NR2F1: variants seen among roughly 807,000 people sequenced by gnomAD.
NR2F1 encodes COUP transcription factor 1.
In NR2F1, 1 loss-of-function variant was observed where a neutral mutation model predicts 37.7. That is an observed-to-expected ratio of 0.03 (90% CI 0.01 to 0.13). The LOEUF (loss-of-function observed/expected upper bound fraction) is 0.13, where lower values mean the gene tolerates loss of function less well. Ranked by LOEUF, NR2F1 falls within the 10% of genes least tolerant of loss-of-function variation. The probability of loss-of-function intolerance (pLI) is 1.00; values close to 1 mark genes in which losing one functional copy is unlikely to be tolerated. For missense variants in NR2F1, 268 were observed against 578.4 expected, an observed-to-expected ratio of 0.46 and a Z score of 5.50; for synonymous variants, 275 against 259.6, an observed-to-expected ratio of 1.06 and a Z score of -0.57.
chr5:93,592,706 C>T (rs1435331050), intron 2 of NR2F1, among the ~76,000 whole-genome samples: 1 of 136,024 alleles, frequency 7.4e-6, no homozygotes, highest in Non-Finnish European at 1.6e-5. Flanking sequence ...GAAGCAGCAG[C>T]AGCTGCTGCC....
Position 93,584,948 on chromosome 5 carries a change from C to A in NR2F1, c.-76C>A. The A allele has an allele frequency of 2.8e-6, 1 of 357,270 alleles. No individual in the cohort carries two copies. Among genetic ancestry groups the A allele is most frequent in the Non-Finnish European group, 3.9e-6 (1 of 258,844 alleles). The allele number at this position is 357,270 out of a possible 1,614,324, so 22.1% of individuals were successfully genotyped here. On this transcript the variant is annotated 5_prime_UTR_variant, in exon 1 of 3. Transcript: ENST00000327111. ...CTCCCCCCTTCCCCTTCCCCTTCCC[C>A]TCCCAGCGCGCCCGCGCGCCCCGCG...
rs1753369303 is a variant in NR2F1, at chr5:93,593,473, A to T, written c.992-89A>T. 1 of 1,371,984 alleles carries T rather than the reference A, an allele frequency of 7.3e-7. No individual in the cohort carries two copies. The highest frequency in any genetic ancestry group is 9.9e-7 in the Non-Finnish European group (1 of 1,006,184). 85.0% of individuals were successfully genotyped at this position (1,371,984 alleles called of 1,614,324 possible). A position where few individuals can be genotyped will look rare whatever the true frequency, so the allele number is the denominator to read the frequency against. ...TTATTTTCCATTTTCTCCTTAAAAA[A>T]AATTGATGGCTTATTTTGCCTTTGC... On this transcript the variant is annotated intron_variant, in intron 2 of 2. Coordinates refer to ENST00000327111, the MANE Select transcript of NR2F1 (RefSeq NM_005654.6). This position sits in a 1 kb window ranked among gnomAD's most constrained non-coding sequence, Gnocchi z 5.6.
chr5:93,591,906 T>G (rs984968321), intron 2 of NR2F1: 1 of 152,180 alleles, frequency 6.6e-6, no homozygotes, highest in African/African-American at 2.4e-5. Flanking sequence ...ACAGAGCTCT[T>G]GCTGCCCTGG....
intron 1 of NR2F1, 90 bp from the exon 2 acceptor site, chr5:93,587,827 T>C (rs1468068457): frequency 3.0e-6 from 4 of 1,348,834 alleles, no homozygotes; most frequent in Non-Finnish European, 4.1e-6. Context: ...CGGGAAGAGC[T>C]TCTGCATTGT....
intron 1 of NR2F1, among the ~76,000 whole-genome samples, chr5:93,586,098 C>G (rs1372743230): frequency 6.6e-6 from 1 of 152,050 alleles, no homozygotes; most frequent in Admixed American, 6.5e-5. Context: ...GGCTTCTGGC[C>G]CGTTCACTGG....
chr5:93,591,681 G>T (rs1368730502), intron 2 of NR2F1, among the ~76,000 whole-genome samples: 1 of 151,842 alleles, frequency 6.6e-6, no homozygotes, highest in Non-Finnish European at 1.5e-5. Flanking sequence ...ATGCCAGATG[G>T]ATCTTAAAAA....
chr5:93,590,272 C>T (rs1753308679), intron 2 of NR2F1, among the ~76,000 whole-genome samples: 1 of 152,196 alleles, frequency 6.6e-6, no homozygotes, highest in Non-Finnish European at 1.5e-5. Flanking sequence ...GACGTTTTCT[C>T]AGGAAAGGTC....
chr5:93,593,985 A>G lies in NR2F1; in HGVS notation c.*143A>G. 1.5e-6 allele frequency: 1 copy of G among 672,042 alleles called. No individual in the cohort carries two copies. The highest frequency in any genetic ancestry group is 1.9e-5 in the South Asian group (1 of 53,742). 41.6% of individuals were successfully genotyped at this position (672,042 alleles called of 1,614,324 possible). On this transcript the variant is annotated 3_prime_UTR_variant, in exon 3 of 3. Transcript: ENST00000327111. The surrounding 1 kb of genome is among the most constrained non-coding windows in gnomAD (Gnocchi z 5.6). ...GAGGGAGGAGGGCCGAGACAGGAGC[A>G]GCCCACCCAGCAGAAATACAATCCG...
rs1340507881 is a variant in NR2F1 at position 93,594,446 on chromosome 5, T to C, written c.*604T>C. 2 of 152,246 alleles carry C rather than the reference T, an allele frequency of 1.3e-5. No homozygotes were observed. Among genetic ancestry groups the C allele is most frequent in the Non-Finnish European group, 1.5e-5 (1 of 68,050 alleles). 9.4% of individuals were successfully genotyped at this position (152,246 alleles called of 1,614,324 possible). On this transcript the variant is annotated 3_prime_UTR_variant, in exon 3 of 3. Transcript: ENST00000327111. ...TGTGTCTATGTATCTATATCTGTTT[T>C]GTATTTTTTTCTGGTTCCAAACCAG...
rs1317876275 is a variant in NR2F1, at chr5:93,584,881, C to G, written c.-143C>G. 1 of 165,910 alleles carries G rather than the reference C, an allele frequency of 6.0e-6. No individual in the cohort carries two copies. The highest frequency in any genetic ancestry group is 2.0e-4 in the East Asian group (1 of 5,110). 10.3% of individuals were successfully genotyped at this position (165,910 alleles called of 1,614,324 possible). ...CCGGTGTCCGGCTCGGGCTCGGCTCCTGCGACCCCGGGGCGCCCGGCGGGC... is the reference window on the plus strand; with the variant it reads ...CCGGTGTCCGGCTCGGGCTCGGCTCGTGCGACCCCGGGGCGCCCGGCGGGC... On this transcript the variant is annotated 5_prime_UTR_variant, in exon 1 of 3. Coordinates refer to ENST00000327111, the MANE Select transcript of NR2F1 (RefSeq NM_005654.6).
rs1131691363 is a variant in NR2F1 at position 93,585,234 on chromosome 5, G to A, written c.211G>A (p.Gly71Ser). The A allele has an allele frequency of 1.9e-6, 3 of 1,555,376 alleles. No homozygotes were observed. Among genetic ancestry groups the A allele is most frequent in the East Asian group, 2.4e-5 (1 of 41,108 alleles). Residue 71 changes from glycine (G) to serine (S), a missense_variant, in exon 1 of 3, where the codon GGC (glycine) becomes AGC (serine). By Grantham distance (56) the Gly-to-Ser change is moderately conservative. Coordinates refer to ENST00000327111, the MANE Select transcript of NR2F1 (RefSeq NM_005654.6). The part of the protein sequence containing the change: ...PATPGTAGDK[G>S]QGPPGSGQSQ... ...CACCCCCGGCACGGCGGGGGACAAG[G>A]GCCAGGGCCCGCCCGGTTCGGGCCA...
chr5:93,590,428 A>G (rs1275029887), intron 2 of NR2F1, among the ~76,000 whole-genome samples: 2 of 152,238 alleles, frequency 1.3e-5, no homozygotes, highest in Non-Finnish European at 1.5e-5. Context: ...TTAACTTTCC[A>G]TACTAAAACA....
At chr5:93,591,542 G>C (rs764884369) in intron 2 of NR2F1, among the ~76,000 whole-genome samples, 3 of 152,184 alleles carry the variant, frequency 2.0e-5, no homozygotes, top group Non-Finnish European at 2.9e-5. Flanking sequence ...AACCAGCACA[G>C]GACCCAGGCA....
Position 93,594,071 on chromosome 5 carries a change from G to T in NR2F1, c.*229G>T. 2.3e-6 allele frequency: 1 copy of T among 427,732 alleles called. No individual in the cohort carries two copies. The highest frequency in any genetic ancestry group is 3.6e-5 in the East Asian group (1 of 27,754). The allele number at this position is 427,732 out of a possible 1,614,324, so 26.5% of individuals were successfully genotyped here. On this transcript the variant is annotated 3_prime_UTR_variant, in exon 3 of 3. Transcript: ENST00000327111. ...ATCAGATCTGTGAGCACGTTGGCGA[G>T]GAAAAACAAAACAAACAAAAAAAAG...
intron 1 of NR2F1, chr5:93,587,680 G>T: frequency 3.8e-6 from 2 of 525,134 alleles, no homozygotes; most frequent in Non-Finnish European, 6.7e-6. Context: ...CCTAGCTCCG[G>T]CGGGGCTGAC....
At position 93,585,055 on chromosome 5, in the gene NR2F1, C is replaced by A. The variant is rs1276892077; in HGVS notation, c.32C>A (p.Pro11Gln). Reference protein sequence around the residue: MAMVVSSWRDPQDDVAGGNPG... With the variant: MAMVVSSWRDQQDDVAGGNPG... ...ATGGTAGTTAGCAGCTGGCGAGATC[C>A]GCAGGACGACGTGGCCGGGGGCAAC... Residue 11 changes from proline (P) to glutamine (Q), a missense_variant, in exon 1 of 3, where the codon CCG (proline) becomes CAG (glutamine). Around this residue, in one of 5 missense-constraint regions of NR2F1, gnomAD observed 90 missense variants for 106.5 expected, o/e 0.85. Transcript: ENST00000327111. 9.6e-7 allele frequency: 1 copy of A among 1,037,174 alleles called. No homozygotes were observed. The highest frequency in any genetic ancestry group is 8.8e-5 in the East Asian group (1 of 11,398). 64.2% of individuals were successfully genotyped at this position (1,037,174 alleles called of 1,614,324 possible).
intron 1 of NR2F1, 185 bp downstream of exon 1, chr5:93,585,671 G>T: frequency 3.7e-6 from 2 of 543,554 alleles, no homozygotes; most frequent in South Asian, 4.2e-5. Flanking sequence ...GCTCGCTGCC[G>T]CTGCCTCCCC....
chr5:93,588,458 C>A lies in NR2F1; in HGVS notation c.991+14C>A. ...TGTTCACGTCAGGTGAGGCTGCGGTCGCGGGGAGGGCAGGCCGCGCCGGCA... is the reference window on the plus strand; with the variant it reads ...TGTTCACGTCAGGTGAGGCTGCGGTAGCGGGGAGGGCAGGCCGCGCCGGCA... On this transcript the variant is annotated intron_variant, in intron 2 of 2. Transcript: ENST00000327111. The A allele has an allele frequency of 2.0e-6, 3 of 1,534,744 alleles. No homozygotes were observed. In the South Asian group the frequency reaches 3.8e-5, roughly 19 times the overall value.
chr5:93,588,461 G>A lies in NR2F1; in HGVS notation c.991+17G>A, dbSNP rs1284797923. The A allele has an allele frequency of 1.3e-6, 2 of 1,528,554 alleles. No homozygotes were observed. The highest frequency in any genetic ancestry group is 1.8e-6 in the Non-Finnish European group (2 of 1,134,820). 94.7% of individuals were successfully genotyped at this position (1,528,554 alleles called of 1,614,324 possible). On this transcript the variant is annotated intron_variant, in intron 2 of 2. Coordinates refer to ENST00000327111, the MANE Select transcript of NR2F1 (RefSeq NM_005654.6). ...TCACGTCAGGTGAGGCTGCGGTCGCGGGGAGGGCAGGCCGCGCCGGCAGCG... is the reference window on the plus strand; with the variant it reads ...TCACGTCAGGTGAGGCTGCGGTCGCAGGGAGGGCAGGCCGCGCCGGCAGCG...
Sources: gnomAD v4.1 joint callset for allele counts (sites outside exome capture counted in the v4.1 genomes callset) on GRCh38, gnomAD v4.1.1 for gene constraint, gnomAD v4.1.1 regional missense constraint, Gnocchi (gnomAD v3.1) non-coding constraint, MANE v1.5 for transcripts, NCBI Gene and HGNC (gene_info 2026-07-23, HGNC 2026-07-21) for gene names.